The following NEGR1 variants were observed in gnomAD, a reference collection of about 807,000 sequenced individuals.
NEGR1 encodes neuronal growth regulator 1, also known as IgLON family member 4.
A neutral mutation model predicts 40.9 loss-of-function variants in NEGR1; 10 were observed. The ratio of observed to expected loss-of-function variants is 0.24; its 90% CI spans 0.15 to 0.42. The LOEUF is 0.42. Among genes scored for constraint, NEGR1 ranks in the 10% least tolerant of loss-of-function variants. The probability of loss-of-function intolerance (pLI) is 1.00; values close to 1 mark genes in which losing one functional copy is unlikely to be tolerated. For synonymous variants in NEGR1, 185 were observed against 166.8 expected, an observed-to-expected ratio of 1.11 and a Z score of -0.84; for missense variants, 352 against 438.9, an observed-to-expected ratio of 0.80 and a Z score of 1.77.
At chr1:72,113,193 T>C (rs1649445208) in intron 1 of NEGR1, among the ~76,000 whole-genome samples, 1 of 151,686 alleles carries the variant, frequency 6.6e-6, no homozygotes, top group South Asian at 2.1e-4. Context: ...ACTAGCAAGC[T>C]ATGTGGACCA....
At chr1:71,553,702 T>A (rs1025414976) in intron 6 of NEGR1, among the ~76,000 whole-genome samples, 21 of 151,568 alleles carry the variant, frequency 1.4e-4, no homozygotes, top group African/African-American at 5.1e-4. Context: ...GTGCATAATT[T>A]TAAAAAATTT....
chr1:72,128,638 T>A (rs944487121), intron 1 of NEGR1, among the ~76,000 whole-genome samples: 1 of 152,196 alleles, frequency 6.6e-6, no homozygotes, highest in Non-Finnish European at 1.5e-5. Context: ...AAATGTATTA[T>A]ATTAATTTTA....
chr1:72,157,376 TGATAA>T (rs1651399598), intron 1 of NEGR1, among the ~76,000 whole-genome samples: 1 of 152,222 alleles, frequency 6.6e-6, no homozygotes, highest in African/African-American at 2.4e-5. Context: ...ATAGACATTA[TGATAA>T]AAGATACATT....
At chr1:71,586,383 G>A (rs1472377157) in intron 6 of NEGR1, among the ~76,000 whole-genome samples, 1 of 152,124 alleles carries the variant, frequency 6.6e-6, no homozygotes, top group Non-Finnish European at 1.5e-5. Flanking sequence ...AATAAGATTT[G>A]TCTCCAACTT....
intron 1 of NEGR1, among the ~76,000 whole-genome samples, chr1:72,217,240 G>C (rs1653852512): frequency 6.6e-6 from 1 of 151,690 alleles, no homozygotes. Context: ...AAATTGTTAG[G>C]TGAAATATCA....
At chr1:71,717,021 C>T (rs1043669986) in intron 3 of NEGR1, among the ~76,000 whole-genome samples, 5 of 152,146 alleles carry the variant, frequency 3.3e-5, no homozygotes, top group African/African-American at 7.2e-5. Context: ...GCAAAAGTAC[C>T]GGCTGTTACT....
chr1:72,108,429 T>C (rs1461302935), intron 1 of NEGR1, among the ~76,000 whole-genome samples: 1 of 151,578 alleles, frequency 6.6e-6, no homozygotes, highest in Non-Finnish European at 1.5e-5. Context: ...ATGACATATA[T>C]GCAATATGAT....
At chr1:72,021,676 AAC>A (rs1646757764) in intron 1 of NEGR1, among the ~76,000 whole-genome samples, 1 of 152,312 alleles carries the variant, frequency 6.6e-6, no homozygotes, top group Non-Finnish European at 1.5e-5. Context: ...TTACTCAAAA[AAC>A]TTACTCAAAA....
chr1:72,109,642 A>G (rs1398583637), intron 1 of NEGR1, among the ~76,000 whole-genome samples: 1 of 151,660 alleles, frequency 6.6e-6, no homozygotes, highest in African/African-American at 2.4e-5. Context: ...TCTTAGTATG[A>G]AGGCAGACAC....
At chr1:71,920,020 G>T (rs1330675210) in intron 2 of NEGR1, among the ~76,000 whole-genome samples, 3 of 152,088 alleles carry the variant, frequency 2.0e-5, no homozygotes. Context: ...TCTCAGTATT[G>T]AATGGCTCCA....
At chr1:72,277,658 T>G (rs1490295241) in intron 1 of NEGR1, among the ~76,000 whole-genome samples, 1 of 152,178 alleles carries the variant, frequency 6.6e-6, no homozygotes, top group African/African-American at 2.4e-5. Flanking sequence ...TTGACCATTC[T>G]GATAATTCAT....
At chr1:71,618,776 G>A (rs1339208136) in intron 4 of NEGR1, among the ~76,000 whole-genome samples, 1 of 152,032 alleles carries the variant, frequency 6.6e-6, no homozygotes, top group African/African-American at 2.4e-5. Flanking sequence ...CCGGTCCCTG[G>A]TGCCAAAAAG....
In NEGR1 at chr1:71,412,797, T is replaced by C. The variant is rs140464008; in HGVS notation, c.941-5227A>G. 9.8e-3 allele frequency among the ~76,000 whole-genome samples: 1,483 copies of C among 152,072 alleles called. 21 individuals carry two copies. Among genetic ancestry groups the C allele is most frequent in the South Asian group, 0.026 (124 of 4,808 alleles). On this transcript the variant is annotated intron_variant, in intron 6 of 6. Transcript: ENST00000357731. ...GGAGGAGGATAAAGGAAACAAAAGG[T>C]TGAAGATTTAAAACTAACAGAGAGA...
chr1:71,418,984 C>G (rs540643667), intron 6 of NEGR1, among the ~76,000 whole-genome samples: 66 of 152,296 alleles, frequency 4.3e-4, no homozygotes, highest in African/African-American at 1.4e-3. Context: ...CATTACATTT[C>G]TACTTTAGCT....
At chr1:72,090,141 T>G (rs1461746266) in intron 1 of NEGR1, among the ~76,000 whole-genome samples, 1 of 152,042 alleles carries the variant, frequency 6.6e-6, no homozygotes, top group African/African-American at 2.4e-5. Flanking sequence ...ATTTCTTAAA[T>G]ATACCTATGA....
chr1:71,685,899 T>C (rs887883976), intron 4 of NEGR1, among the ~76,000 whole-genome samples: 2 of 152,174 alleles, frequency 1.3e-5, no homozygotes, highest in African/African-American at 2.4e-5. Flanking sequence ...TTTTTTGGCA[T>C]CGCGACGGAG....
intron 6 of NEGR1, among the ~76,000 whole-genome samples, chr1:71,475,511 G>A (rs765621486): frequency 6.6e-6 from 1 of 151,852 alleles, no homozygotes; most frequent in Non-Finnish European, 1.5e-5. Flanking sequence ...TTTTTTTCAT[G>A]TGTGCAATAA....
intron 2 of NEGR1, among the ~76,000 whole-genome samples, chr1:71,860,629 A>C (rs533901500): frequency 3.3e-5 from 5 of 152,158 alleles, no homozygotes; most frequent in Admixed American, 1.3e-4. Context: ...ACTGTGCAAA[A>C]AAAAAGTGAG....
At chr1:71,914,520 C>A (rs1028026149) in intron 2 of NEGR1, among the ~76,000 whole-genome samples, 1 of 152,140 alleles carries the variant, frequency 6.6e-6, no homozygotes, top group Non-Finnish European at 1.5e-5. Context: ...CATATGATTT[C>A]GAGTTTGGTG....
Sources: allele counts gnomAD v4.1 joint callset (sites outside exome capture counted in the v4.1 genomes callset), GRCh38; gene constraint gnomAD v4.1.1; transcripts MANE v1.5; gene names NCBI Gene and HGNC (gene_info 2026-07-23, HGNC 2026-07-21).